DLG2: variants seen among roughly 807,000 people sequenced by gnomAD.
DLG2 encodes the protein disks large homolog 2.
Under a neutral mutation model 132.5 loss-of-function variants are expected in DLG2, and 45 were observed. That is an observed-to-expected ratio of 0.34 (90% CI 0.27 to 0.44). The LOEUF is 0.44. Among genes scored for constraint, DLG2 ranks in the 20% least tolerant of loss-of-function variants. DLG2 has a pLI of 1.00. For synonymous variants in DLG2, 424 were observed against 419.6 expected, an observed-to-expected ratio of 1.01 and a Z score of -0.13; for missense variants, 1,045 against 1,196.9, an observed-to-expected ratio of 0.87 and a Z score of 1.87.
chr11:83,982,245 T>A (rs757754141), intron 11 of DLG2, among the ~76,000 whole-genome samples: 1 of 151,934 alleles, frequency 6.6e-6, no homozygotes, highest in Non-Finnish European at 1.5e-5. Flanking sequence ...AAAAAAAATG[T>A]TAATTGTAGA....
At chr11:85,121,646 G>A (rs972759391) in intron 5 of DLG2, among the ~76,000 whole-genome samples, 7 of 151,796 alleles carry the variant, frequency 4.6e-5, no homozygotes, top group African/African-American at 1.5e-4. Flanking sequence ...CATTTTCCAG[G>A]TGTATATAAG....
chr11:84,398,296 T>C (rs2098817730), intron 7 of DLG2, among the ~76,000 whole-genome samples: 1 of 152,052 alleles, frequency 6.6e-6, no homozygotes, highest in Admixed American at 6.5e-5. Context: ...TCAGAGGTAG[T>C]GCAAGAACAA....
At chr11:84,254,142 A>C (rs1268319032) in intron 7 of DLG2, among the ~76,000 whole-genome samples, 1 of 152,132 alleles carries the variant, frequency 6.6e-6, no homozygotes, top group Non-Finnish European at 1.5e-5. Context: ...TCTGAATATC[A>C]CATGTAATTC....
At chr11:83,574,678 C>G (rs1470272138) in intron 19 of DLG2, among the ~76,000 whole-genome samples, 1 of 152,202 alleles carries the variant, frequency 6.6e-6, no homozygotes, top group Non-Finnish European at 1.5e-5. Flanking sequence ...GCTGCTACCT[C>G]TGCCATAACT....
At chr11:84,296,366 T>G (rs1167149486) in intron 7 of DLG2, among the ~76,000 whole-genome samples, 2 of 152,216 alleles carry the variant, frequency 1.3e-5, no homozygotes, top group Non-Finnish European at 2.9e-5. Flanking sequence ...CTCAATCTCT[T>G]ACCCTGTTTC....
At chr11:85,545,782 T>C (rs2076278004) in intron 3 of DLG2, among the ~76,000 whole-genome samples, 1 of 152,164 alleles carries the variant, frequency 6.6e-6, no homozygotes, top group South Asian at 2.1e-4. Context: ...TGCATAGAGG[T>C]GTTTATAGTA....
chr11:84,808,390 C>G (rs1272571530), intron 6 of DLG2, among the ~76,000 whole-genome samples: 1 of 151,744 alleles, frequency 6.6e-6, no homozygotes, highest in Middle Eastern at 3.2e-3. Context: ...ATAAAAGTCT[C>G]AAATAATTAG....
intron 6 of DLG2, among the ~76,000 whole-genome samples, chr11:84,792,002 T>C (rs1438899444): frequency 6.6e-6 from 1 of 152,178 alleles, no homozygotes; most frequent in African/African-American, 2.4e-5. Flanking sequence ...AGCATCCTTA[T>C]CATGTTGCAG....
intron 7 of DLG2, among the ~76,000 whole-genome samples, chr11:84,278,404 A>G (rs190034047): frequency 1.1e-3 from 162 of 152,262 alleles, no homozygotes; most frequent in African/African-American, 3.5e-3. Flanking sequence ...TATTTTAAAG[A>G]AAGAAATAAT....
At chr11:85,582,193 A>G (rs2078569462) in intron 3 of DLG2, among the ~76,000 whole-genome samples, 2 of 152,178 alleles carry the variant, frequency 1.3e-5, no homozygotes, top group African/African-American at 4.8e-5. Flanking sequence ...TAGGACATGA[A>G]GACTTACGGT....
At chr11:85,068,588 T>C (rs1256108553) in intron 6 of DLG2, among the ~76,000 whole-genome samples, 1 of 151,966 alleles carries the variant, frequency 6.6e-6, no homozygotes, top group Non-Finnish European at 1.5e-5. Flanking sequence ...GGAATCCAAC[T>C]TACAAGGGAC....
Position 84,000,392 on chromosome 11 carries a change from T to C in DLG2, c.920-19750A>G, listed in dbSNP as rs1208072170. ...TGGGACACCATAAAGGGACCAAATA[T>C]TCAAATAATCAGGGTCTCAGAAGAT... is the stretch of plus-strand genomic sequence containing the variant. On this transcript the variant is annotated intron_variant, in intron 11 of 27. Coordinates refer to ENST00000376104, the MANE Select transcript of DLG2 (RefSeq NM_001142699.3). Among the ~76,000 whole-genome samples, 5 of 152,076 alleles carry C rather than the reference T, an allele frequency of 3.3e-5. No individual in the cohort carries two copies. The East Asian group carries it at 9.7e-4, about 29-fold the overall frequency.
chr11:83,998,127 C>A (rs956041540), intron 11 of DLG2, among the ~76,000 whole-genome samples: 11 of 151,748 alleles, frequency 7.2e-5, no homozygotes, highest in African/African-American at 2.7e-4. Flanking sequence ...CAGAGTGAGA[C>A]CCCATCTCAA....
At chr11:85,412,742 C>G (rs1340449351) in intron 3 of DLG2, among the ~76,000 whole-genome samples, 1 of 130,632 alleles carries the variant, frequency 7.7e-6, no homozygotes, top group Non-Finnish European at 1.6e-5. Flanking sequence ...CACACACACA[C>G]ACACACACAC....
intron 3 of DLG2, among the ~76,000 whole-genome samples, chr11:85,400,985 T>G (rs552642464): frequency 1.3e-5 from 2 of 150,170 alleles, no homozygotes; most frequent in Admixed American, 6.6e-5. Context: ...ACTCATTTTA[T>G]GAGGCTAGCA....
intron 8 of DLG2, among the ~76,000 whole-genome samples, chr11:84,186,006 T>A (rs1206702608): frequency 2.6e-5 from 4 of 152,182 alleles, no homozygotes; most frequent in Non-Finnish European, 5.9e-5. Context: ...CCTGTGGCCA[T>A]GATTGTTTCT....
intron 7 of DLG2, among the ~76,000 whole-genome samples, chr11:84,326,552 T>C (rs1179639247): frequency 6.6e-6 from 1 of 152,208 alleles, no homozygotes; most frequent in Non-Finnish European, 1.5e-5. Context: ...CAGCCATTAA[T>C]TTCTAGTTTT....
intron 17 of DLG2, among the ~76,000 whole-genome samples, chr11:83,800,385 T>C (rs2044029517): frequency 6.6e-6 from 1 of 152,350 alleles, no homozygotes; most frequent in South Asian, 2.1e-4. Context: ...TCATTATGCA[T>C]TAAATTTTTC....
intron 6 of DLG2, among the ~76,000 whole-genome samples, chr11:84,795,320 G>C (rs1275413584): frequency 6.6e-6 from 1 of 151,978 alleles, no homozygotes; most frequent in Non-Finnish European, 1.5e-5. Context: ...GAGCTGAACA[G>C]ATGCCAGGAC....
Sources: allele counts gnomAD v4.1 joint callset (sites outside exome capture counted in the v4.1 genomes callset), GRCh38; gene constraint gnomAD v4.1.1; transcripts MANE v1.5; gene names NCBI Gene and HGNC (gene_info 2026-07-23, HGNC 2026-07-21).